LOC400499: variants seen among roughly 807,000 people sequenced by gnomAD.
chr16:11,443,995 C>T, the LOC400499 span, among the ~76,000 whole-genome samples: 1 of 152,240 alleles, frequency 6.6e-6, no homozygotes, highest in South Asian at 2.1e-4. Context: ...CCACTATGCC[C>T]AGCCAATTTT....
the LOC400499 span, chr16:11,423,046 TGTGA>T: frequency 1.5e-5 from 6 of 397,456 alleles, no homozygotes; most frequent in Non-Finnish European, 2.2e-5. Flanking sequence ...AGGGGGACCA[TGTGA>T]GTATCTCCTG....
At chr16:11,470,399 C>T in the LOC400499 span, among the ~76,000 whole-genome samples, 3 of 152,214 alleles carry the variant, frequency 2.0e-5, no homozygotes, top group Non-Finnish European at 4.4e-5. Flanking sequence ...TGAGACCAGG[C>T]TGAGGCTGCA....
the LOC400499 span, chr16:11,502,311 G>A: frequency 3.3e-5 from 13 of 395,618 alleles, no homozygotes; most frequent in Non-Finnish European, 5.8e-5. Context: ...CTCCCAGGAT[G>A]TGCTGAGACC....
chr16:11,462,426 T>C, the LOC400499 span: 2 of 1,287,796 alleles, frequency 1.6e-6, no homozygotes, highest in East Asian at 3.0e-5. Flanking sequence ...CACCGATCCT[T>C]ACCCAATTTT....
the LOC400499 span, among the ~76,000 whole-genome samples, chr16:11,522,512 A>T: frequency 6.6e-6 from 1 of 152,078 alleles, no homozygotes; most frequent in East Asian, 1.9e-4. Flanking sequence ...GACAACCAAA[A>T]ATGTCCCCAG....
At chr16:11,384,244 C>G in the LOC400499 span, 1 of 1,232,228 alleles carries the variant, frequency 8.1e-7, no homozygotes. Context: ...CTCCTCCAGG[C>G]TGCGGGCCAT....
chr16:11,514,363 G>T, the LOC400499 span: 3 of 399,112 alleles, frequency 7.5e-6, no homozygotes, highest in Non-Finnish European at 1.3e-5. Context: ...GGTCACCTGT[G>T]CCCGCTGGAT....
the LOC400499 span, among the ~76,000 whole-genome samples, chr16:11,462,808 T>C: frequency 6.6e-6 from 1 of 152,152 alleles, no homozygotes; most frequent in East Asian, 1.9e-4. Context: ...ACTCCTCTTC[T>C]CTCCTTGACA....
the LOC400499 span, among the ~76,000 whole-genome samples, chr16:11,421,339 G>C: frequency 1.3e-5 from 2 of 152,182 alleles, no homozygotes; most frequent in African/African-American, 4.8e-5. Context: ...CCCTAGACCA[G>C]GGGTTGCAAA....
At chr16:11,502,062 G>A in the LOC400499 span, 14 of 399,020 alleles carry the variant, frequency 3.5e-5, no homozygotes, top group Admixed American at 1.3e-4. Context: ...TCCCCCACCC[G>A]GAGAGGGACC....
At chr16:11,418,728 G>T in the LOC400499 span, among the ~76,000 whole-genome samples, 1 of 152,212 alleles carries the variant, frequency 6.6e-6, no homozygotes, top group East Asian at 1.9e-4. Flanking sequence ...CAACACAATA[G>T]CAGTAGAATG....
chr16:11,396,480 A>G, the LOC400499 span: 48 of 1,231,974 alleles, frequency 3.9e-5, no homozygotes, highest in South Asian at 1.6e-3. Context: ...TATCTTTCCC[A>G]GGGACTGTCA....
the LOC400499 span, among the ~76,000 whole-genome samples, chr16:11,497,412 G>T: frequency 1.3e-5 from 2 of 152,240 alleles, no homozygotes; most frequent in African/African-American, 4.8e-5. Context: ...GGCTGGGAGG[G>T]CAGGGGTTAT....
the LOC400499 span, among the ~76,000 whole-genome samples, chr16:11,474,149 C>T: frequency 6.6e-6 from 1 of 152,160 alleles, no homozygotes; most frequent in Non-Finnish European, 1.5e-5. Flanking sequence ...GTGAGCTATC[C>T]GCCGGCCAGA....
chr16:11,386,058 A>G, the LOC400499 span, among the ~76,000 whole-genome samples: 2 of 152,316 alleles, frequency 1.3e-5, no homozygotes, highest in Admixed American at 1.3e-4. Flanking sequence ...CACACATACA[A>G]GTCATCCATT....
the LOC400499 span, among the ~76,000 whole-genome samples, chr16:11,436,901 G>A: frequency 3.0e-4 from 46 of 152,012 alleles, no homozygotes; most frequent in Admixed American, 6.6e-4. Context: ...GCCTGGAAAG[G>A]TTTTAAAAGA....
the LOC400499 span, among the ~76,000 whole-genome samples, chr16:11,488,157 G>A: frequency 6.6e-6 from 1 of 151,864 alleles, no homozygotes; most frequent in East Asian, 1.9e-4. Flanking sequence ...CCGCCTCTTG[G>A]TGTACAGTAC....
chr16:11,505,087 G>A, the LOC400499 span, among the ~76,000 whole-genome samples: 1 of 151,494 alleles, frequency 6.6e-6, no homozygotes, highest in Non-Finnish European at 1.5e-5. Flanking sequence ...GCAGACACTT[G>A]AACCCAGGGC....
the LOC400499 span, among the ~76,000 whole-genome samples, chr16:11,498,479 C>A: frequency 6.8e-6 from 1 of 146,472 alleles, no homozygotes; most frequent in South Asian, 2.2e-4. Context: ...GAGACTCCGT[C>A]TCAAAAAATA....
Sources: gnomAD v4.1 joint callset for allele counts (sites outside exome capture counted in the v4.1 genomes callset) on GRCh38, gnomAD v4.1.1 for gene constraint, MANE v1.5 for transcripts.